The following PCDH11X variants were observed in gnomAD, a reference collection of about 807,000 sequenced individuals.
PCDH11X encodes the protein protocadherin-11 X-linked.
A neutral mutation model predicts 53.3 loss-of-function variants in PCDH11X; 18 were observed. The ratio of observed to expected loss-of-function variants is 0.34; its 90% CI spans 0.23 to 0.50. The LOEUF is 0.50. Among genes scored for constraint, PCDH11X ranks in the 20% least tolerant of loss-of-function variants. The pLI is 0.98. For synonymous variants in PCDH11X, 279 were observed against 393.3 expected (o/e 0.71, Z 3.44); for missense variants, 570 against 1,032.4 (o/e 0.55, Z 6.14).
intron 9 of PCDH11X, among the ~76,000 whole-genome samples, chrX:92,425,313 A>G (rs2072081827): frequency 9.1e-6 from 1 of 110,175 alleles, no homozygotes; most frequent in Non-Finnish European, 1.9e-5. Flanking sequence ...TCGTAGCAGT[A>G]GATGTGGCAG....
At chrX:91,900,314 C>T (rs1465620311) in intron 6 of PCDH11X, among the ~76,000 whole-genome samples, 2 of 110,347 alleles carry the variant, frequency 1.8e-5, no homozygotes, top group African/African-American at 6.6e-5. Context: ...AGCATTCCTC[C>T]CTCTGGAATT....
At chrX:92,355,433 AAAAAAAAAAAAAAAAG>A (rs1442599062) in intron 8 of PCDH11X, among the ~76,000 whole-genome samples, 2 of 98,037 alleles carry the variant, frequency 2.0e-5, no homozygotes, top group East Asian at 3.4e-4. Context: ...AAAAAAAAAA[AAAAAAAAAAAAAAAAG>A]AAATTGTTGA....
chrX:92,049,536 A>G (rs1292627250), intron 6 of PCDH11X, among the ~76,000 whole-genome samples: 1 of 110,696 alleles, frequency 9.0e-6, no homozygotes, highest in South Asian at 3.8e-4. Flanking sequence ...TTGAAAAATT[A>G]ATTGGAATTT....
chrX:91,958,083 C>A (rs1242418478), intron 6 of PCDH11X, among the ~76,000 whole-genome samples: 1 of 110,758 alleles, frequency 9.0e-6, no homozygotes, highest in Non-Finnish European at 1.9e-5. Flanking sequence ...TGTTGGGGGG[C>A]CCTTCCTTAT....
At chrX:92,315,831 T>G (rs986157710) in intron 8 of PCDH11X, among the ~76,000 whole-genome samples, 1 of 109,862 alleles carries the variant, frequency 9.1e-6, no homozygotes, top group African/African-American at 3.3e-5. Flanking sequence ...CCACCACCCC[T>G]GGCCTGAATT....
chrX:92,078,130 A>T (rs1252948680), intron 6 of PCDH11X, among the ~76,000 whole-genome samples: 2 of 109,485 alleles, frequency 1.8e-5, no homozygotes, highest in Non-Finnish European at 3.8e-5. Context: ...TATAAAAAAA[A>T]ATTGTCTCTT....
intron 6 of PCDH11X, among the ~76,000 whole-genome samples, chrX:92,105,346 GT>G (rs1187047061): frequency 9.0e-6 from 1 of 110,807 alleles, no homozygotes; most frequent in African/African-American, 3.3e-5. Context: ...AGGACCTGAG[GT>G]CCTAGGTGGA....
intron 9 of PCDH11X, among the ~76,000 whole-genome samples, chrX:92,447,347 A>G (rs1483530342): frequency 1.8e-5 from 2 of 111,012 alleles, no homozygotes; most frequent in African/African-American, 6.6e-5. Context: ...TAGGATTTAA[A>G]AATGGCTTTG....
rs187983260 is a variant in PCDH11X at position 91,811,410 on chromosome X, A to C, written c.-45+115A>C. On this transcript the variant is annotated intron_variant, in intron 4 of 10. Coordinates refer to ENST00000682573, the MANE Select transcript of PCDH11X (RefSeq NM_032968.5). ...ATGTTTGAAGCTTTCATTTTCTTAA[A>C]AGATTTGTTTTGAGTTTAAAATGTT... 1.4e-3 allele frequency: 947 copies of C among 657,501 alleles called. 2 individuals are homozygous for C. Among genetic ancestry groups the C allele is most frequent in the Non-Finnish European group, 2.0e-3 (880 of 445,610 alleles). The allele number at this position is 657,501 out of a possible 1,213,427, so 54.2% of individuals were successfully genotyped here. A position where few individuals can be genotyped will look rare whatever the true frequency, so the allele number is the denominator to read the frequency against.
intron 8 of PCDH11X, among the ~76,000 whole-genome samples, chrX:92,378,053 A>G (rs1224991555): frequency 1.9e-5 from 2 of 107,649 alleles, no homozygotes; most frequent in Non-Finnish European, 3.9e-5. Context: ...TCTCTGATCA[A>G]TACAATGTAT....
chrX:92,132,619 A>G (rs1235877897), intron 6 of PCDH11X, among the ~76,000 whole-genome samples: 1 of 89,425 alleles, frequency 1.1e-5, no homozygotes, highest in Non-Finnish European at 2.1e-5. Flanking sequence ...AAAGAAAAAA[A>G]GAAATATATA....
At chrX:92,225,546 G>C (rs182567558) in intron 7 of PCDH11X, among the ~76,000 whole-genome samples, 245 of 111,591 alleles carry the variant, frequency 2.2e-3, no homozygotes, top group Non-Finnish European at 3.5e-3. Flanking sequence ...GTAATATGCT[G>C]TGTCCATGCA....
chrX:91,959,271 C>A (rs766340777), intron 6 of PCDH11X, among the ~76,000 whole-genome samples: 12 of 110,264 alleles, frequency 1.1e-4, no homozygotes, highest in African/African-American at 3.9e-4. Flanking sequence ...ACATTCATCA[C>A]TGAAAATAGT....
Position 92,091,534 on chromosome X carries a change from A to G in PCDH11X, c.3034-109841A>G, listed in dbSNP as rs2064048095. Among the ~76,000 whole-genome samples, 3 of 111,740 alleles carry G rather than the reference A, an allele frequency of 2.7e-5. No homozygotes were observed. The South Asian group carries it at 1.2e-3, about 43-fold the overall frequency. Reference sequence around the variant, plus strand: ...CAGGACGTCCTGAGAACATGTGCCCAAGGTGGTCGGGGCACAGCTTGGTTT... The same window carrying G: ...CAGGACGTCCTGAGAACATGTGCCCGAGGTGGTCGGGGCACAGCTTGGTTT... On this transcript the variant is annotated intron_variant, in intron 6 of 10. Coordinates refer to ENST00000682573, the MANE Select transcript of PCDH11X (RefSeq NM_032968.5).
chrX:91,974,654 G>T (rs867524952), intron 6 of PCDH11X, among the ~76,000 whole-genome samples: 13 of 109,965 alleles, frequency 1.2e-4, no homozygotes, highest in African/African-American at 4.0e-4. Flanking sequence ...ATTTGGAAAG[G>T]CCTTATAAGA....
chrX:92,264,327 A>G (rs1360161095), intron 8 of PCDH11X, among the ~76,000 whole-genome samples: 1 of 111,730 alleles, frequency 9.0e-6, no homozygotes, highest in East Asian at 2.8e-4. Flanking sequence ...TCTCTGAATC[A>G]TACTGAGTAT....
chrX:91,971,288 A>G (rs1792051612), intron 6 of PCDH11X, among the ~76,000 whole-genome samples: 1 of 109,906 alleles, frequency 9.1e-6, no homozygotes. Flanking sequence ...TTAGTAAAAC[A>G]AAATAATTCA....
intron 10 of PCDH11X, among the ~76,000 whole-genome samples, chrX:92,578,118 A>C (rs1360280773): frequency 1.7e-3 from 155 of 91,728 alleles, no homozygotes; most frequent in African/African-American, 6.5e-3. Context: ...TTGATCTAAT[A>C]TTGTCAGTGG....
At chrX:92,150,557 A>G (rs943112312) in intron 6 of PCDH11X, among the ~76,000 whole-genome samples, 36 of 109,737 alleles carry the variant, frequency 3.3e-4, no homozygotes, top group Non-Finnish European at 4.9e-4. Context: ...TAAAGAGTTT[A>G]TGAATTCCAT....
Sources: allele counts gnomAD v4.1 joint callset (sites outside exome capture counted in the v4.1 genomes callset), GRCh38; gene constraint gnomAD v4.1.1; transcripts MANE v1.5; gene names NCBI Gene and HGNC (gene_info 2026-07-23, HGNC 2026-07-21).